The following CTTNBP2 variants were observed in gnomAD, a reference collection of about 807,000 sequenced individuals.
CTTNBP2 encodes the protein cortactin binding protein 2.
CTTNBP2 carries 108 observed loss-of-function variants against 156.9 expected under a neutral mutation model. The observed-to-expected ratio is 0.69, with a 90% CI of 0.59 to 0.81. CTTNBP2 has a LOEUF of 0.81. Among genes scored for constraint, CTTNBP2 ranks in the 30% least tolerant of loss-of-function variants. CTTNBP2 has a pLI of 0.00. For missense variants in CTTNBP2, 1,924 were observed against 2,035.4 expected, an observed-to-expected ratio of 0.95 and a Z score of 1.05; for synonymous variants, 767 against 751.8, an observed-to-expected ratio of 1.02 and a Z score of -0.33.
In CTTNBP2 at chr7:117,842,134, T is replaced by A. The variant is rs148634495; in HGVS notation, c.189+19075A>T. ...ATAGGTTAATAATAGAGGAAACTGG[T>A]GGAGGGGGACACATGAGAACCCTCT... On this transcript the variant is annotated intron_variant, in intron 2 of 22. Coordinates refer to ENST00000160373, the MANE Select transcript of CTTNBP2 (RefSeq NM_033427.3). 3.3e-5 allele frequency among the ~76,000 whole-genome samples: 5 copies of A among 152,314 alleles called. No homozygotes were observed. The East Asian group carries it at 9.6e-4, about 29-fold the overall frequency.
Position 117,791,673 on chromosome 7 carries a change from G to C in CTTNBP2, c.1523C>G (p.Ser508Ter). Reference protein sequence around the residue: ...RFTSPQAGAPSRPGVPPTGDV... With the variant: ...RFTSPQAGAP ...CCCTGTTGGGGGCACTCCAGGCCTTGAGGGAGCACCTGCTTGAGGGCTTGT... is the reference window on the plus strand; with the variant it reads ...CCCTGTTGGGGGCACTCCAGGCCTTCAGGGAGCACCTGCTTGAGGGCTTGT... The change falls in exon 4 of 23, where the codon TCA becomes TGA. Residue 508 changes from serine to a stop codon, truncating the protein, a stop_gained. Transcript: ENST00000160373. LOFTEE classifies it high-confidence loss of function. 6.2e-7 allele frequency: 1 copy of C among 1,614,228 alleles called. No individual in the cohort carries two copies. The highest frequency in any genetic ancestry group is 8.5e-7 in the Non-Finnish European group (1 of 1,180,046).
chr7:117,795,043 C>T (rs997808085), intron 3 of CTTNBP2, among the ~76,000 whole-genome samples: 7 of 151,170 alleles, frequency 4.6e-5, no homozygotes, highest in Admixed American at 2.6e-4. Flanking sequence ...TACAGGCGCC[C>T]GCCACCGCGC....
intron 1 of CTTNBP2, among the ~76,000 whole-genome samples, chr7:117,869,961 C>G (rs1202294305): frequency 2.6e-5 from 4 of 152,194 alleles, no homozygotes; most frequent in Non-Finnish European, 5.9e-5. Context: ...TCGCATATGG[C>G]TCCCTAGGAT....
At chr7:117,856,660 A>G (rs1332137331) in intron 2 of CTTNBP2, among the ~76,000 whole-genome samples, 4 of 152,234 alleles carry the variant, frequency 2.6e-5, no homozygotes, top group Non-Finnish European at 2.9e-5. Flanking sequence ...AAGAATTGCC[A>G]TGGGTTTATG....
intron 8 of CTTNBP2, 29 bp downstream of exon 8, chr7:117,777,482 A>C: frequency 1.3e-6 from 2 of 1,598,004 alleles, no homozygotes; most frequent in Non-Finnish European, 1.7e-6. Flanking sequence ...TTACAGCTGC[A>C]TGATGAGGCC....
intron 9 of CTTNBP2, among the ~76,000 whole-genome samples, chr7:117,765,567 C>G (rs1239401214): frequency 6.6e-6 from 1 of 152,146 alleles, no homozygotes; most frequent in African/African-American, 2.4e-5. Context: ...ATCTGCAAAT[C>G]CTGCCAACAT....
chr7:117,780,330 A>C, intron 7 of CTTNBP2, 111 bp downstream of exon 7: 1 of 734,178 alleles, frequency 1.4e-6, no homozygotes, highest in Non-Finnish European at 2.1e-6. Context: ...CCTACAAGCA[A>C]AACAAAATAA....
chr7:117,715,480 A>G (rs1307847473), intron 22 of CTTNBP2, among the ~76,000 whole-genome samples: 1 of 150,976 alleles, frequency 6.6e-6, no homozygotes. Context: ...GAAGTTAAAA[A>G]AAAAAAAAAA....
intron 4 of CTTNBP2, among the ~76,000 whole-genome samples, chr7:117,786,185 A>T (rs1179635291): frequency 6.6e-6 from 1 of 152,198 alleles, no homozygotes; most frequent in Non-Finnish European, 1.5e-5. Flanking sequence ...ACTGCTAATA[A>T]AAAGCTGGAT....
At position 117,827,035 on chromosome 7, in the gene CTTNBP2, T is replaced by C. The variant is rs536837222; in HGVS notation, c.190-16046A>G. Reference sequence around the variant, plus strand: ...CACTGCACCCAGCTAATTTTCATAATTTTAGCACAGACAGGGTTTCACCAT... The same window carrying C: ...CACTGCACCCAGCTAATTTTCATAACTTTAGCACAGACAGGGTTTCACCAT... On this transcript the variant is annotated intron_variant, in intron 2 of 22. Coordinates refer to ENST00000160373, the MANE Select transcript of CTTNBP2 (RefSeq NM_033427.3). Among the ~76,000 whole-genome samples the C allele has an allele frequency of 2.6e-5, 4 of 152,118 alleles. No homozygotes were observed. The East Asian group carries it at 7.7e-4, about 29-fold the overall frequency.
intron 7 of CTTNBP2, 22 bp downstream of exon 7, chr7:117,780,419 A>C (rs920864398): frequency 2.0e-6 from 3 of 1,467,870 alleles, no homozygotes; most frequent in Non-Finnish European, 2.7e-6. Context: ...ATACAGGGGG[A>C]AAAAAACAGA....
At chr7:117,763,337 CTG>C (rs1258312020) in intron 9 of CTTNBP2, among the ~76,000 whole-genome samples, 1 of 152,074 alleles carries the variant, frequency 6.6e-6, no homozygotes, top group Non-Finnish European at 1.5e-5. Flanking sequence ...ATTTTTTCCA[CTG>C]TCTTTCCATA....
intron 2 of CTTNBP2, among the ~76,000 whole-genome samples, chr7:117,835,262 T>C (rs544191917): frequency 3.3e-5 from 5 of 152,340 alleles, no homozygotes; most frequent in Admixed American, 2.0e-4. Flanking sequence ...ACATGAAAGA[T>C]ATGCACACTA....
At chr7:117,830,234 A>G (rs770252431) in intron 2 of CTTNBP2, among the ~76,000 whole-genome samples, 3 of 152,238 alleles carry the variant, frequency 2.0e-5, no homozygotes, top group Non-Finnish European at 4.4e-5. Context: ...GCACAAGTAC[A>G]TGTACAGCGT....
intron 17 of CTTNBP2, 111 bp from the exon 18 acceptor site, chr7:117,725,368 T>C: frequency 2.1e-6 from 2 of 933,630 alleles, no homozygotes; most frequent in Non-Finnish European, 1.7e-6. Context: ...TAAGTGTTTC[T>C]ATAGATATGC....
chr7:117,801,359 T>C (rs1584448282), intron 3 of CTTNBP2, among the ~76,000 whole-genome samples: 1 of 152,188 alleles, frequency 6.6e-6, no homozygotes, highest in Non-Finnish European at 1.5e-5. Flanking sequence ...CAAACTTGAA[T>C]TGAGTGACGT....
chr7:117,849,652 G>A (rs780084342), intron 2 of CTTNBP2, among the ~76,000 whole-genome samples: 4 of 151,994 alleles, frequency 2.6e-5, no homozygotes, highest in African/African-American at 4.8e-5. Context: ...CACAGATCCC[G>A]TGCTCTGGCT....
chr7:117,832,049 C>T (rs985176903), intron 2 of CTTNBP2, among the ~76,000 whole-genome samples: 5 of 152,094 alleles, frequency 3.3e-5, no homozygotes, highest in Non-Finnish European at 4.4e-5. Context: ...TGAAACTCAA[C>T]AAGAATTAAA....
chr7:117,814,703 C>T (rs1250562740), intron 2 of CTTNBP2, among the ~76,000 whole-genome samples: 1 of 152,178 alleles, frequency 6.6e-6, no homozygotes, highest in Non-Finnish European at 1.5e-5. Flanking sequence ...ACTGGGATTA[C>T]AGGAGTGAGC....
Sources: allele counts gnomAD v4.1 joint callset (sites outside exome capture counted in the v4.1 genomes callset), GRCh38; gene constraint gnomAD v4.1.1; transcripts MANE v1.5; gene names NCBI Gene and HGNC (gene_info 2026-07-23, HGNC 2026-07-21).